ANO7: variants seen among roughly 807,000 people sequenced by gnomAD.
The protein encoded by ANO7 is anoctamin-7.
ANO7 carries 114 observed loss-of-function variants against 115.8 expected under a neutral mutation model. The ratio of observed to expected loss-of-function variants is 0.98; its 90% confidence interval spans 0.85 to 1.15. The LOEUF is 1.15. Among genes scored for constraint, ANO7 ranks in the 50% most tolerant of loss-of-function variants. ANO7 has a pLI of 0.00. For synonymous variants in ANO7, 550 were observed against 498.2 expected (o/e 1.10, Z -1.38); for missense variants, 1,302 against 1,201.2 (o/e 1.08, Z -1.24).
Position 241,225,733 on chromosome 2 carries a change from CCCTG to C in ANO7, c.*1584_*1587del, listed in dbSNP as rs1174356963. Among the ~76,000 whole-genome samples the C allele has an allele frequency of 2.0e-5, 3 of 152,304 alleles. No homozygotes were observed. The East Asian group carries it at 5.8e-4, about 30-fold the overall frequency. The stretch of plus-strand genomic sequence containing the variant: ...TCACCTGCCTCTTAGGAGCACTGTG[CCCTG>C]CCTCCATGGAAGGGCTCTTCCGGCA... On this transcript the variant is annotated 3_prime_UTR_variant, in exon 25 of 25. Coordinates refer to ENST00000674324, the MANE Select transcript of ANO7 (RefSeq NM_001370694.2).
downstream of ANO7, chr2:241,228,983 C>T (rs769330159): frequency 6.5e-5 from 10 of 153,522 alleles, no homozygotes; most frequent in Non-Finnish European, 8.7e-5. Context: ...TCAGACCCCA[C>T]GGCAGGTAAA....
At chr2:241,227,550 A>C (rs1010478939), downstream of ANO7, 1 of 152,642 alleles carries the variant, frequency 6.6e-6, no homozygotes, top group African/African-American at 2.4e-5. Flanking sequence ...CAGTCATGTC[A>C]TCACCCTTGC....
At chr2:241,191,376 T>A in intron 3 of ANO7, 125 bp downstream of exon 3, 1 of 1,199,352 alleles carries the variant, frequency 8.3e-7, no homozygotes, top group Non-Finnish European at 1.2e-6. Flanking sequence ...GCCAGTTGCT[T>A]GGGGATGGGG....
At chr2:241,208,693 A>G (rs1053473807) in intron 11 of ANO7, among the ~76,000 whole-genome samples, 1 of 152,202 alleles carries the variant, frequency 6.6e-6, no homozygotes, top group Non-Finnish European at 1.5e-5. Flanking sequence ...AGCATCCTCC[A>G]AAGTCTCAAC....
At chr2:241,229,581 G>A (rs770709432), downstream of ANO7, 12 of 1,585,254 alleles carry the variant, frequency 7.6e-6, no homozygotes, top group Non-Finnish European at 9.5e-6. Context: ...GGCTGGAGAG[G>A]GTTCTGTTCT....
intron 21 of ANO7, 150 bp from the exon 22 acceptor site, chr2:241,223,036 A>C: frequency 2.7e-6 from 2 of 731,746 alleles, no homozygotes; most frequent in Non-Finnish European, 4.7e-6. Flanking sequence ...AAGAATTCCC[A>C]TTTCAGGCAC....
chr2:241,235,311 C>G, the ANO7 span: 2 of 1,611,582 alleles, frequency 1.2e-6, no homozygotes, highest in Non-Finnish European at 1.7e-6. Flanking sequence ...AGGAAAGAGT[C>G]CATTGGCCCT....
chr2:241,205,836 G>C (rs181481255), intron 10 of ANO7, among the ~76,000 whole-genome samples: 16 of 82,510 alleles, frequency 1.9e-4, no homozygotes, highest in Non-Finnish European at 2.4e-4. Context: ...AGGCTGACAG[G>C]TGGGCAGGAG....
Position 241,212,578 on chromosome 2 carries a change from G to A in ANO7, c.1680G>A (p.Val560=), listed in dbSNP as rs1237403698. ...GATCTTGACTTTCTCCTAGGTTTGT[G>A]GGATACCCAGGCAACTACCACACCT... ...VYIAFFKGRF[V]GYPGNYHTLF... The change falls in exon 17 of 25, where the codon GTG becomes GTA. Residue 560 remains valine (V), a synonymous_variant. Transcript: ENST00000674324. 1.9e-6 allele frequency: 3 copies of A among 1,613,060 alleles called. No homozygotes were observed. The highest frequency in any genetic ancestry group is 2.7e-5 in the African/African-American group (2 of 74,940).
At chr2:241,237,562 A>G in the ANO7 span, among the ~76,000 whole-genome samples, 1 of 152,222 alleles carries the variant, frequency 6.6e-6, no homozygotes, top group African/African-American at 2.4e-5. Flanking sequence ...TGAAGGAGAA[A>G]AACTGGCAAA....
chr2:241,216,727 G>A (rs991432374), intron 19 of ANO7, among the ~76,000 whole-genome samples: 7 of 152,268 alleles, frequency 4.6e-5, no homozygotes, highest in African/African-American at 1.7e-4. Context: ...TGCACGGGTG[G>A]TGCACTCTGG....
Position 241,190,108 on chromosome 2 carries a change from C to T in ANO7, c.45C>T (p.Ile15=), listed in dbSNP as rs761253562. 15 of 1,583,426 alleles carry T rather than the reference C, an allele frequency of 9.5e-6. No individual in the cohort carries two copies. In the Admixed American group the frequency reaches 1.4e-4, roughly 15 times the overall value. The part of the protein sequence containing the change: ...RAQEEDSTVL[I]DVSPPEAEKR... ...AGGAAGAGGACAGCACCGTCCTGAT[C>T]GATGTGAGCCCCCCTGAGGCAGAGA... Residue 15 remains isoleucine (I), a synonymous_variant, in exon 2 of 25, where the codon ATC becomes ATT. Coordinates refer to ENST00000674324, the MANE Select transcript of ANO7 (RefSeq NM_001370694.2).
intron 21 of ANO7, among the ~76,000 whole-genome samples, chr2:241,222,260 A>AAATG (rs1372160542): frequency 6.7e-6 from 1 of 150,048 alleles, no homozygotes. Flanking sequence ...ATAAATAAAT[A>AAATG]AATAAATAAA....
At chr2:241,229,853 TC>T, downstream of ANO7, 1 of 1,319,338 alleles carries the variant, frequency 7.6e-7, no homozygotes, top group Non-Finnish European at 1.0e-6. Flanking sequence ...CTGCTGGCGG[TC>T]CAGGGTGCGT....
At position 241,203,316 on chromosome 2, in the gene ANO7, A is replaced by G. The variant is rs1032571775; in HGVS notation, c.724-17A>G. On this transcript the variant is annotated splice_polypyrimidine_tract_variant and intron_variant, in intron 8 of 24. Transcript: ENST00000674324. The surrounding 1 kb of genome is among the most constrained non-coding windows in gnomAD (Gnocchi z 4.8). ...TCAGCTGGGGGAGCCTCCCACCCAC[A>G]GGCCGCTCGCCCCCAGGGCCCCTTC... 4 of 1,507,798 alleles carry G rather than the reference A, an allele frequency of 2.7e-6. No homozygotes were observed. The African/African-American group carries it at 4.2e-5, about 16-fold the overall frequency. The allele number at this position is 1,507,798 out of a possible 1,614,324, so 93.4% of individuals were successfully genotyped here. A position where few individuals can be genotyped will look rare whatever the true frequency, so the allele number is the denominator to read the frequency against.
chr2:241,213,474 C>T (rs1160722633), intron 17 of ANO7, among the ~76,000 whole-genome samples: 1 of 152,226 alleles, frequency 6.6e-6, no homozygotes, highest in Non-Finnish European at 1.5e-5. Flanking sequence ...ACGGGGGTCC[C>T]TGCAAAGCAG....
At chr2:241,219,601 TCTGTATCCCATTCTAG>T (rs764415464) in intron 21 of ANO7, among the ~76,000 whole-genome samples, 6 of 152,058 alleles carry the variant, frequency 3.9e-5, no homozygotes, top group Non-Finnish European at 8.8e-5. Context: ...TGGGTCTTGC[TCTGTATCCCATTCTAG>T]AATGCACTGC....
At position 241,203,260 on chromosome 2, in the gene ANO7, G is replaced by A. The variant is rs113020742; in HGVS notation, c.724-73G>A. 10 of 1,263,960 alleles carry A rather than the reference G, an allele frequency of 7.9e-6. No individual in the cohort carries two copies. The highest frequency in any genetic ancestry group is 3.1e-5 in the African/African-American group (2 of 64,254). 78.3% of individuals were successfully genotyped at this position (1,263,960 alleles called of 1,614,324 possible). A position where few individuals can be genotyped will look rare whatever the true frequency, so the allele number is the denominator to read the frequency against. ...CTGTCTGCCCATGTCCCACACTGAAGCCCCTGCACCTACAACAGTGCCCAG... is the reference window on the plus strand; with the variant it reads ...CTGTCTGCCCATGTCCCACACTGAAACCCCTGCACCTACAACAGTGCCCAG... On this transcript the variant is annotated intron_variant, in intron 8 of 24. Coordinates refer to ENST00000674324, the MANE Select transcript of ANO7 (RefSeq NM_001370694.2). This position sits in a 1 kb window ranked among gnomAD's most constrained non-coding sequence, Gnocchi z 4.8.
rs1334240415 is a variant in ANO7, at chr2:241,203,809, C to T, written c.889+311C>T. Among the ~76,000 whole-genome samples the T allele has an allele frequency of 6.6e-6, 1 of 152,044 alleles. No individual in the cohort carries two copies. On this transcript the variant is annotated intron_variant, in intron 9 of 24. Coordinates refer to ENST00000674324, the MANE Select transcript of ANO7 (RefSeq NM_001370694.2). The surrounding 1 kb of genome is among the most constrained non-coding windows in gnomAD (Gnocchi z 4.8). Reference sequence around the variant, plus strand: ...TGGCCCATGAGGCCCTGGGGCAACCCCAGGAACTTCCATCCTAGGGAGGTC... The same window carrying T: ...TGGCCCATGAGGCCCTGGGGCAACCTCAGGAACTTCCATCCTAGGGAGGTC...
Sources: gnomAD v4.1 joint callset for allele counts (sites outside exome capture counted in the v4.1 genomes callset) on GRCh38, gnomAD v4.1.1 for gene constraint, Gnocchi (gnomAD v3.1) non-coding constraint, MANE v1.5 for transcripts, NCBI Gene and HGNC (gene_info 2026-07-23, HGNC 2026-07-21) for gene names.